Variants in USP34 observed in about 807,000 individuals in gnomAD.
USP34 encodes ubiquitin carboxyl-terminal hydrolase 34.
In USP34, 70 loss-of-function variants were observed where a neutral mutation model predicts 460.3. The ratio of observed to expected loss-of-function variants is 0.15; its 90% CI spans 0.13 to 0.19. USP34 has a LOEUF of 0.19. USP34 is among the 10% of genes least tolerant of loss of function. USP34 has a pLI of 1.00. For missense variants in USP34, 3,985 were observed against 4,236.2 expected, an observed-to-expected ratio of 0.94 and a Z score of 1.65; for synonymous variants, 1,647 against 1,405.3, an observed-to-expected ratio of 1.17 and a Z score of -3.85.
Position 61,333,956 on chromosome 2 carries a change from T to C in USP34, c.2760A>G (p.Ser920=), listed in dbSNP as rs1449801646. ...NLGNNRSVVI[S]LRLLPKLFGT... is the part of the protein sequence containing the mutation. ...CAAATAGTTTTGGAAGAAGACGAAG[T>C]GAAATTACTACTGATCTGAAACAGC... The change falls in exon 19 of 80, where the codon TCA becomes TCG. Residue 920 remains serine, a synonymous_variant. Transcript: ENST00000398571. The C allele has an allele frequency of 1.3e-6, 2 of 1,595,174 alleles. No homozygotes were observed. Among genetic ancestry groups the C allele is most frequent in the Non-Finnish European group, 1.7e-6 (2 of 1,170,882 alleles).
intron 3 of USP34, among the ~76,000 whole-genome samples, chr2:61,401,351 C>T (rs1449423719): frequency 6.6e-6 from 1 of 151,406 alleles, no homozygotes; most frequent in Non-Finnish European, 1.5e-5. Flanking sequence ...GATCCTTCTG[C>T]CTCAGCCTCC....
At chr2:61,389,217 T>C (rs959478547) in intron 5 of USP34, among the ~76,000 whole-genome samples, 7 of 152,062 alleles carry the variant, frequency 4.6e-5, no homozygotes, top group African/African-American at 1.7e-4. Context: ...TGAGGACTCA[T>C]AAGGTAGGCT....
At chr2:61,316,514 G>A (rs947457492) in intron 23 of USP34, among the ~76,000 whole-genome samples, 2 of 152,104 alleles carry the variant, frequency 1.3e-5, no homozygotes, top group Non-Finnish European at 2.9e-5. Context: ...GAACCCAGGA[G>A]GTGGAGGTTG....
Position 61,339,600 on chromosome 2 carries a change from G to T in USP34, c.2582C>A (p.Thr861Asn). The change falls in exon 17 of 80, where the codon ACT becomes AAT. Residue 861 changes from threonine to asparagine, a missense_variant. Thr to Asn is a moderately conservative substitution (Grantham distance 65). Around this residue, in one of 14 missense-constraint regions of USP34, gnomAD observed 46 missense variants for 83.1 expected, o/e 0.55. Coordinates refer to ENST00000398571, the MANE Select transcript of USP34 (RefSeq NM_014709.4). ...NLDNVCKKGN[T>N]LLWDIVQDED... ...ATCTTGGACTATATCCCACAACAAAGTATTTCCTTTCTTGCAAACATTATC... is the reference window on the plus strand; with the variant it reads ...ATCTTGGACTATATCCCACAACAAATTATTTCCTTTCTTGCAAACATTATC... 6.4e-7 allele frequency: 1 copy of T among 1,572,712 alleles called. No individual in the cohort carries two copies. The highest frequency in any genetic ancestry group is 1.2e-5 in the South Asian group (1 of 81,796).
chr2:61,366,166 C>T (rs145329882), intron 10 of USP34, among the ~76,000 whole-genome samples: 96 of 152,170 alleles, frequency 6.3e-4, no homozygotes, highest in Admixed American at 9.8e-4. Context: ...CTTTGTGATC[C>T]GCCCACGTTG....
At chr2:61,425,012 G>A (rs758889605) in intron 1 of USP34, among the ~76,000 whole-genome samples, 13 of 152,118 alleles carry the variant, frequency 8.5e-5, no homozygotes, top group Non-Finnish European at 1.9e-4. Flanking sequence ...TAGAGACAGG[G>A]TTTCACCACG....
At chr2:61,442,898 T>TATACACACACAC (rs1553392378) in intron 1 of USP34, among the ~76,000 whole-genome samples, 1 of 147,202 alleles carries the variant, frequency 6.8e-6, no homozygotes, top group East Asian at 2.0e-4. Flanking sequence ...GTGATGTGTG[T>TATACACACACAC]ACACACACAC....
chr2:61,386,511 C>T (rs6545859), intron 5 of USP34, among the ~76,000 whole-genome samples: 3,674 of 152,188 alleles, frequency 0.024, 160 homozygotes, highest in African/African-American at 0.084. Context: ...ACAACTTTGG[C>T]CGGGCACGGT....
At chr2:61,264,428 G>A (rs1212374842) in intron 43 of USP34, among the ~76,000 whole-genome samples, 1 of 152,070 alleles carries the variant, frequency 6.6e-6, no homozygotes, top group Non-Finnish European at 1.5e-5. Context: ...GTAAGCCCAG[G>A]ATTTGAGACC....
chr2:61,315,401 C>G (rs928212911), intron 23 of USP34, among the ~76,000 whole-genome samples: 3 of 150,674 alleles, frequency 2.0e-5, no homozygotes, highest in African/African-American at 7.3e-5. Flanking sequence ...AGAACAGAGT[C>G]TCACTCACTT....
intron 1 of USP34, among the ~76,000 whole-genome samples, chr2:61,433,220 T>G (rs779543249): frequency 6.6e-6 from 1 of 152,072 alleles, no homozygotes; most frequent in African/African-American, 2.4e-5. Flanking sequence ...CAGCCCCATC[T>G]CCCCTCACCC....
chr2:61,455,873 G>T (rs1018157888), intron 1 of USP34, among the ~76,000 whole-genome samples: 1 of 151,980 alleles, frequency 6.6e-6, no homozygotes, highest in African/African-American at 2.4e-5. Flanking sequence ...CTCCAAATAA[G>T]AAACAAGGCA....
chr2:61,420,819 C>A lies in USP34; in HGVS notation c.58G>T (p.Gly20Cys). 1 of 1,608,002 alleles carries A rather than the reference C, an allele frequency of 6.2e-7. No individual in the cohort carries two copies. The highest frequency in any genetic ancestry group is 2.2e-5 in the East Asian group (1 of 44,638). The change falls in exon 2 of 80, where the codon GGT becomes TGT. Residue 20 changes from glycine to cysteine, a missense_variant. By Grantham distance (159) the Gly-to-Cys change is radical (BLOSUM62 -3). Around this residue, in one of 14 missense-constraint regions of USP34, gnomAD observed 331 missense variants for 293.7 expected, o/e 1.13. Transcript: ENST00000398571. The part of the protein sequence containing the change: ...EVLNEISDVE[G>C]GDGLQLRKEH... Reference sequence around the variant, plus strand: ...TTTCTGAGCTGCAGTCCATCACCACCTTCTACATCTGATACTGAAATAAAA... The same window carrying A: ...TTTCTGAGCTGCAGTCCATCACCACATTCTACATCTGATACTGAAATAAAA...
chr2:61,225,750 C>T (rs1248214313), intron 62 of USP34, among the ~76,000 whole-genome samples: 1 of 152,162 alleles, frequency 6.6e-6, no homozygotes, highest in Non-Finnish European at 1.5e-5. Context: ...CCAATCGATA[C>T]ATTTACTTTG....
chr2:61,445,310 C>A lies in USP34; in HGVS notation c.44-24477G>T, dbSNP rs189117003. On this transcript the variant is annotated intron_variant, in intron 1 of 79. Coordinates refer to ENST00000398571, the MANE Select transcript of USP34 (RefSeq NM_014709.4). ...CAGCACTTTGGGAGGCCGAGGCGGG[C>A]GGATCACAAGGTCAGGAGATCAAGA... is the stretch of plus-strand genomic sequence containing the variant. Among the ~76,000 whole-genome samples the A allele has an allele frequency of 4.1e-5, 6 of 147,938 alleles. No homozygotes were observed. The South Asian group carries it at 1.3e-3, about 31-fold the overall frequency.
intron 37 of USP34, 101 bp from the exon 38 acceptor site, chr2:61,281,343 C>T (rs566958992): frequency 3.7e-5 from 51 of 1,393,366 alleles, no homozygotes; most frequent in Non-Finnish European, 4.4e-5. Context: ...AATGTTCTGC[C>T]GGGCAAGCCT....
chr2:61,427,992 G>A (rs979489218), intron 1 of USP34, among the ~76,000 whole-genome samples: 18 of 151,796 alleles, frequency 1.2e-4, no homozygotes, highest in African/African-American at 3.9e-4. Flanking sequence ...GTGAAACCCC[G>A]TCTCTACTAA....
At chr2:61,241,994 T>C (rs955828152) in intron 51 of USP34, among the ~76,000 whole-genome samples, 175 bp from the exon 52 acceptor site, 1 of 152,066 alleles carries the variant, frequency 6.6e-6, no homozygotes, top group African/African-American at 2.4e-5. Context: ...GGCCAATATA[T>C]CCTAATATCT....
intron 21 of USP34, among the ~76,000 whole-genome samples, chr2:61,321,042 G>A (rs1181405995): frequency 2.0e-5 from 3 of 151,666 alleles, no homozygotes; most frequent in Non-Finnish European, 2.9e-5. Flanking sequence ...TGGGCAGGGT[G>A]GCACGCACCT....
Sources: gnomAD v4.1 joint callset for allele counts (sites outside exome capture counted in the v4.1 genomes callset) on GRCh38, gnomAD v4.1.1 for gene constraint, gnomAD v4.1.1 regional missense constraint, MANE v1.5 for transcripts, NCBI Gene and HGNC (gene_info 2026-07-23, HGNC 2026-07-21) for gene names.